Variants in GLIS3 observed in about 807,000 individuals in gnomAD.
The protein encoded by GLIS3 is GLIS family zinc finger 3, also known as zinc finger protein GLIS3.
Under a neutral mutation model 78.6 loss-of-function variants are expected in GLIS3, and 53 were observed. The observed-to-expected ratio is 0.67, with a 90% CI of 0.54 to 0.85. GLIS3 has a LOEUF of 0.85. Among genes scored for constraint, GLIS3 ranks in the 40% least tolerant of loss-of-function variants. The pLI is 0.00. For synonymous variants in GLIS3, 684 were observed against 509.9 expected, an observed-to-expected ratio of 1.34 and a Z score of -4.60; for missense variants, 1,703 against 1,231.1, an observed-to-expected ratio of 1.38 and a Z score of -5.74.
chr9:4,385,793 GAAA>G, the GLIS3 span, among the ~76,000 whole-genome samples: 1 of 75,692 alleles, frequency 1.3e-5, no homozygotes. Context: ...AAGAAAGAAA[GAAA>G]GAAAGAAAGA....
the GLIS3 span, among the ~76,000 whole-genome samples, chr9:4,448,895 G>C: frequency 0.16 from 24,857 of 152,200 alleles, 2,493 homozygotes; most frequent in Non-Finnish European, 0.22. Flanking sequence ...GCAGCTCCCA[G>C]AGTGATGGGT....
At chr9:3,942,072 T>A (rs72685651) in intron 4 of GLIS3, among the ~76,000 whole-genome samples, 2 of 152,280 alleles carry the variant, frequency 1.3e-5, no homozygotes, top group Non-Finnish European at 2.9e-5. Context: ...AAGTAGAATA[T>A]TACTCCCTCC....
chr9:4,406,430 C>A, the GLIS3 span, among the ~76,000 whole-genome samples: 1 of 152,182 alleles, frequency 6.6e-6, no homozygotes, highest in Non-Finnish European at 1.5e-5. Flanking sequence ...CAGCGATTCT[C>A]CTGCCTCAGC....
Position 4,118,670 on chromosome 9 carries a change from G to A in GLIS3, c.808C>T (p.Pro270Ser). The A allele has an allele frequency of 2.5e-6, 4 of 1,614,176 alleles. No homozygotes were observed. Among genetic ancestry groups the A allele is most frequent in the Non-Finnish European group, 3.4e-6 (4 of 1,180,034 alleles). ...MSSNSVSNSL[P>S]SYLFGTESSH... Reference sequence around the variant, plus strand: ...CTTTCCGTGCCAAAAAGGTAGGATGGTAATGAGTTAGAGACACTATTGCTG... The same window carrying A: ...CTTTCCGTGCCAAAAAGGTAGGATGATAATGAGTTAGAGACACTATTGCTG... The change falls in exon 4 of 11, where the codon CCA becomes TCA. Residue 270 changes from proline to serine, a missense_variant. Transcript: ENST00000381971. The surrounding 1 kb of genome is among the most constrained non-coding windows in gnomAD (Gnocchi z 4.7).
rs35583742 is a variant in GLIS3 at position 4,321,421 on chromosome 9, CAAAAAAAAAAAAAAAAAAAAA to C, written n.265-10914_265-10894del. Among the ~76,000 whole-genome samples, 473 of 16,274 alleles carry C rather than the reference CAAAAAAAAAAAAAAAAAAAAA, an allele frequency of 0.029. 10 individuals are homozygous for C. The Middle Eastern group carries it at 0.35, about 12-fold the overall frequency. 10.7% of individuals were successfully genotyped at this position (16,274 alleles called of 152,430 possible). Reference sequence around the variant, plus strand: ...TGGGCCACAGAGCTAGACTCCGTCTCAAAAAAAAAAAAAAAAAAAAAAAAAAAAAAAAAAAAAAAAAATCAG... The same window carrying C: ...TGGGCCACAGAGCTAGACTCCGTCTCAAAAAAAAAAAAAAAAAAAAATCAG... On this transcript the variant is annotated intron_variant and non_coding_transcript_variant, in intron 2 of 4. Transcript: ENST00000471664.
the GLIS3 span, among the ~76,000 whole-genome samples, chr9:4,385,823 AG>A: frequency 1.1e-4 from 2 of 17,428 alleles, no homozygotes; most frequent in Non-Finnish European, 7.6e-4. Context: ...AGAAAGAAAG[AG>A]AAAAGAAAGA....
intron 4 of GLIS3, among the ~76,000 whole-genome samples, chr9:4,054,015 T>C (rs1825939695): frequency 6.6e-6 from 1 of 152,248 alleles, no homozygotes; most frequent in South Asian, 2.1e-4. Flanking sequence ...AGTTACTCTT[T>C]GAATAGCTTC....
chr9:4,438,056 A>G, the GLIS3 span, among the ~76,000 whole-genome samples: 1,641 of 152,280 alleles, frequency 0.011, 29 homozygotes, highest in African/African-American at 0.037. Context: ...CTAACTTCCT[A>G]TGTTTTTCAA....
the GLIS3 span, among the ~76,000 whole-genome samples, chr9:4,447,293 T>C: frequency 6.6e-6 from 1 of 152,112 alleles, no homozygotes; most frequent in African/African-American, 2.4e-5. Context: ...TCAATCCTCC[T>C]GCCTTGGCCT....
intron 8 of GLIS3, among the ~76,000 whole-genome samples, chr9:3,864,647 T>A (rs1317300336): frequency 6.6e-6 from 1 of 152,234 alleles, no homozygotes; most frequent in Non-Finnish European, 1.5e-5. Flanking sequence ...TAACATGTGC[T>A]GTTTATAGTG....
Position 3,829,470 on chromosome 9 carries a change from C to T in GLIS3, c.2496G>A (p.Lys832=), listed in dbSNP as rs148289028. ...HVHGFYGQLQ[K]FCPPHYPDSQ... ...AATCGGGGTAGTGTGGGGGACAGAA[C>T]TTCTGCAGCTGCCCATAAAATCCTG... Residue 832 remains lysine (K), a synonymous_variant, in exon 10 of 11, where the codon AAG becomes AAA. Transcript: ENST00000381971. 2 of 1,613,990 alleles carry T rather than the reference C, an allele frequency of 1.2e-6. No individual in the cohort carries two copies. Among genetic ancestry groups the T allele is most frequent in the African/African-American group, 1.3e-5 (1 of 74,914 alleles).
rs576660978 is a variant in GLIS3, at chr9:4,324,603, G to T, written n.265-14075C>A. Among the ~76,000 whole-genome samples, 10 of 152,304 alleles carry T rather than the reference G, an allele frequency of 6.6e-5. No homozygotes were observed. The East Asian group carries it at 1.9e-3, about 29-fold the overall frequency. The stretch of plus-strand genomic sequence containing the variant: ...CCTTTTGCACATAAGTTTGGCAGCA[G>T]ATTTAGATTCTGAAATATCTTCTCA... On this transcript the variant is annotated intron_variant and non_coding_transcript_variant, in intron 2 of 4. Coordinates refer to the GLIS3 transcript ENST00000471664.
At chr9:4,192,105 C>G (rs1818383887) in intron 2 of GLIS3, among the ~76,000 whole-genome samples, 1 of 152,110 alleles carries the variant, frequency 6.6e-6, no homozygotes, top group Non-Finnish European at 1.5e-5. Context: ...ACGATAATTT[C>G]TGAAGTAGAA....
chr9:4,015,176 T>C (rs1446072705), intron 4 of GLIS3, among the ~76,000 whole-genome samples: 1 of 152,192 alleles, frequency 6.6e-6, no homozygotes, highest in Non-Finnish European at 1.5e-5. Flanking sequence ...CTGAAAGATA[T>C]ATTAGAATTA....
chr9:4,463,275 T>G, the GLIS3 span, among the ~76,000 whole-genome samples: 1 of 152,238 alleles, frequency 6.6e-6, no homozygotes, highest in Non-Finnish European at 1.5e-5. Context: ...TATACTCACC[T>G]GACTTCTGGG....
intron 1 of GLIS3, chr9:4,298,511 GGT>G: frequency 4.6e-6 from 2 of 435,104 alleles, no homozygotes; most frequent in Non-Finnish European, 9.2e-6. Context: ...CTCGGGGCAA[GGT>G]GTGTGTCTAG....
intron 9 of GLIS3, among the ~76,000 whole-genome samples, chr9:3,841,586 T>A (rs1818717664): frequency 6.6e-6 from 1 of 152,206 alleles, no homozygotes; most frequent in Admixed American, 6.5e-5. Context: ...AACTACTCCC[T>A]ATAACTCAAA....
chr9:4,077,126 A>G (rs1828141972), intron 4 of GLIS3, among the ~76,000 whole-genome samples: 1 of 152,220 alleles, frequency 6.6e-6, no homozygotes, highest in South Asian at 2.1e-4. Flanking sequence ...TGAGTATTCC[A>G]CAGTCTAAAG....
At chr9:4,326,288 A>G (rs1817598116) in intron 2 of GLIS3, among the ~76,000 whole-genome samples, 1 of 152,258 alleles carries the variant, frequency 6.6e-6, no homozygotes, top group Non-Finnish European at 1.5e-5. Context: ...CAACAGTGAA[A>G]AAGGTAGAAA....
Sources: gnomAD v4.1 joint callset for allele counts (sites outside exome capture counted in the v4.1 genomes callset) on GRCh38, gnomAD v4.1.1 for gene constraint, Gnocchi (gnomAD v3.1) non-coding constraint, MANE v1.5 for transcripts, NCBI Gene and HGNC (gene_info 2026-07-23, HGNC 2026-07-21) for gene names.